Variants in ATP6V1C1 observed in about 807,000 individuals in gnomAD.
ATP6V1C1 encodes the protein ATPase H+ transporting V1 subunit C1.
A neutral mutation model predicts 53.9 loss-of-function variants in ATP6V1C1; 45 were observed. The observed-to-expected ratio is 0.83, with a 90% CI of 0.66 to 1.07. The LOEUF (loss-of-function observed/expected upper bound fraction) is 1.07, where lower values mean the gene tolerates loss of function less well. ATP6V1C1 is among the 50% of genes least tolerant of loss of function. ATP6V1C1 has a pLI of 0.00. For missense variants in ATP6V1C1, 315 were observed against 440.3 expected, an observed-to-expected ratio of 0.72 and a Z score of 2.55; for synonymous variants, 153 against 155.2, an observed-to-expected ratio of 0.99 and a Z score of 0.11.
intron 8 of ATP6V1C1, among the ~76,000 whole-genome samples, chr8:103,058,129 T>C (rs1050385420): frequency 6.6e-6 from 1 of 152,220 alleles, no homozygotes; most frequent in Admixed American, 6.5e-5. Flanking sequence ...AGAAAGACTT[T>C]AAAAATATTC....
intron 3 of ATP6V1C1, among the ~76,000 whole-genome samples, chr8:103,042,970 A>G (rs1817027655): frequency 6.6e-6 from 1 of 152,300 alleles, no homozygotes; most frequent in Admixed American, 6.5e-5. Flanking sequence ...ATATGTATAC[A>G]TATATATCAC....
chr8:103,042,801 C>T (rs977723981), intron 3 of ATP6V1C1, among the ~76,000 whole-genome samples: 3 of 152,144 alleles, frequency 2.0e-5, no homozygotes, highest in Admixed American at 1.3e-4. Context: ...AATTGTTCTG[C>T]CACTATAGAT....
chr8:103,023,019 C>T (rs972787186), intron 1 of ATP6V1C1, among the ~76,000 whole-genome samples: 77 of 152,298 alleles, frequency 5.1e-4, no homozygotes, highest in African/African-American at 1.7e-3. Flanking sequence ...TGCCACTGCA[C>T]TCCCTCCTGG....
intron 2 of ATP6V1C1, 78 bp downstream of exon 2, chr8:103,041,046 G>C: frequency 6.8e-7 from 1 of 1,477,022 alleles, no homozygotes; most frequent in East Asian, 2.5e-5. Context: ...GTGGAAATGA[G>C]ATACCCAGGT....
intron 12 of ATP6V1C1, among the ~76,000 whole-genome samples, chr8:103,068,376 A>G (rs1280835993): frequency 6.6e-6 from 1 of 152,254 alleles, no homozygotes; most frequent in Non-Finnish European, 1.5e-5. Context: ...AGTATACATA[A>G]AAAAGGTTGG....
At chr8:103,061,575 G>T (rs192654316) in intron 8 of ATP6V1C1, among the ~76,000 whole-genome samples, 1 of 152,214 alleles carries the variant, frequency 6.6e-6, no homozygotes, top group East Asian at 1.9e-4. Flanking sequence ...CAACAAAAGG[G>T]CACAAGGACC....
At position 103,052,322 on chromosome 8, in the gene ATP6V1C1, A is replaced by G. The variant is rs1485159770; in HGVS notation, c.382-409A>G. ...TCAACTATAATTTTAATTTCATAGA[A>G]AAATACTCTGTGTAATAGTGATGTT... On this transcript the variant is annotated intron_variant, in intron 5 of 12. Transcript: ENST00000518738. 2.6e-5 allele frequency among the ~76,000 whole-genome samples: 4 copies of G among 152,116 alleles called. No homozygotes were observed. In the East Asian group the frequency reaches 7.7e-4, roughly 29 times the overall value.
At chr8:103,041,013 G>A in intron 2 of ATP6V1C1, 45 bp downstream of exon 2, 1 of 1,568,656 alleles carries the variant, frequency 6.4e-7, no homozygotes, top group Non-Finnish European at 8.7e-7. Context: ...CATCATCCAG[G>A]GGAGGGCCAG....
At chr8:103,045,695 A>G (rs1360485627) in intron 3 of ATP6V1C1, among the ~76,000 whole-genome samples, 1 of 152,324 alleles carries the variant, frequency 6.6e-6, no homozygotes, top group Middle Eastern at 3.4e-3. Flanking sequence ...TAATCCCAGC[A>G]CTTTGGGAGG....
chr8:103,053,236 C>T (rs1291613690), intron 6 of ATP6V1C1, among the ~76,000 whole-genome samples: 1 of 151,858 alleles, frequency 6.6e-6, no homozygotes, highest in African/African-American at 2.4e-5. Context: ...AGGTTTTTCA[C>T]TTGTTAGGTT....
Position 103,066,396 on chromosome 8 carries a change from A to G in ATP6V1C1, c.1002A>G (p.Val334=), listed in dbSNP as rs2131405775. Residue 334 remains valine (V), a synonymous_variant, in exon 12 of 13, where the codon GTA becomes GTG. Transcript: ENST00000518738. ...AAACTTTGAAGAAACTGAGAGAAGT[A>G]TTACATGAATTGTATAAACATCTAG... is the stretch of plus-strand genomic sequence containing the variant. ...NKKTLKKLRE[V]LHELYKHLDS... is the part of the protein sequence containing the mutation. The G allele has an allele frequency of 1.2e-6, 2 of 1,613,450 alleles. No homozygotes were observed.
rs1449033384 is a variant in ATP6V1C1 at position 103,070,034 on chromosome 8, A to G, written c.*1287A>G. 6.6e-6 allele frequency: 1 copy of G among 152,132 alleles called. No individual in the cohort carries two copies. The highest frequency in any genetic ancestry group is 2.4e-5 in the African/African-American group (1 of 41,416). 9.4% of individuals were successfully genotyped at this position (152,132 alleles called of 1,614,324 possible). ...TTACATCTCTGTCTCACACACACAC[A>G]CGTATACACACACACAGTTTATTTT... On this transcript the variant is annotated 3_prime_UTR_variant, in exon 13 of 13. Transcript: ENST00000518738.
intron 1 of ATP6V1C1, among the ~76,000 whole-genome samples, chr8:103,028,366 C>G (rs1395892719): frequency 6.6e-6 from 1 of 152,150 alleles, no homozygotes; most frequent in African/African-American, 2.4e-5. Context: ...TGAAGATTGG[C>G]AGATTTGAGT....
intron 7 of ATP6V1C1, among the ~76,000 whole-genome samples, chr8:103,055,228 T>C (rs1240383881): frequency 1.3e-5 from 2 of 152,134 alleles, no homozygotes; most frequent in Non-Finnish European, 2.9e-5. Context: ...ATTTTTACAG[T>C]TTTCTGTACC....
chr8:103,033,994 G>A (rs1816845675), intron 1 of ATP6V1C1, among the ~76,000 whole-genome samples: 1 of 152,202 alleles, frequency 6.6e-6, no homozygotes, highest in Non-Finnish European at 1.5e-5. Context: ...GGTTTTAGCT[G>A]CTTTTGAGAC....
At chr8:103,068,087 C>G (rs181502891) in intron 12 of ATP6V1C1, among the ~76,000 whole-genome samples, 98 of 152,282 alleles carry the variant, frequency 6.4e-4, no homozygotes, top group Non-Finnish European at 7.1e-4. Context: ...TCAAGTGATC[C>G]TCCCACCTCA....
chr8:103,036,411 G>A (rs1218503468), intron 1 of ATP6V1C1, among the ~76,000 whole-genome samples: 4 of 152,138 alleles, frequency 2.6e-5, no homozygotes. Context: ...AGAATTATGA[G>A]CACAGTGGCT....
chr8:103,038,854 G>A (rs1816944174), intron 1 of ATP6V1C1, among the ~76,000 whole-genome samples: 1 of 152,182 alleles, frequency 6.6e-6, no homozygotes, highest in African/African-American at 2.4e-5. Flanking sequence ...ATTAGAGCAT[G>A]GTGCTTATGA....
chr8:103,023,854 A>G (rs1586303848), intron 1 of ATP6V1C1, among the ~76,000 whole-genome samples: 1 of 151,940 alleles, frequency 6.6e-6, no homozygotes, highest in South Asian at 2.1e-4. Flanking sequence ...ATCTAGAGAA[A>G]AGGGCGAGTT....
Sources: gnomAD v4.1 joint callset for allele counts (sites outside exome capture counted in the v4.1 genomes callset) on GRCh38, gnomAD v4.1.1 for gene constraint, MANE v1.5 for transcripts, NCBI Gene and HGNC (gene_info 2026-07-23, HGNC 2026-07-21) for gene names.